Variants in GRID2 observed in about 807,000 individuals in gnomAD.
GRID2 encodes the protein glutamate receptor ionotropic, delta-2.
In GRID2, 33 loss-of-function variants were observed where a neutral mutation model predicts 114.8. The ratio of observed to expected loss-of-function variants is 0.29; its 90% CI spans 0.22 to 0.38. The LOEUF is 0.38. Among genes scored for constraint, GRID2 ranks in the 10% least tolerant of loss-of-function variants. The pLI is 1.00. For missense variants in GRID2, 1,184 were observed against 1,257.7 expected (o/e 0.94, Z 0.89); for synonymous variants, 505 against 449.9 (o/e 1.12, Z -1.55).
intron 2 of GRID2, among the ~76,000 whole-genome samples, chr4:92,881,674 G>C (rs1267615541): frequency 2.0e-5 from 3 of 152,016 alleles, no homozygotes; most frequent in African/African-American, 7.2e-5. Flanking sequence ...AAAAACTTTT[G>C]TTATAGTTAT....
At chr4:93,543,042 G>A (rs951959265) in intron 13 of GRID2, among the ~76,000 whole-genome samples, 11 of 152,128 alleles carry the variant, frequency 7.2e-5, no homozygotes, top group African/African-American at 2.4e-5. Flanking sequence ...GCCAAAATGC[G>A]AGTGGTCTCC....
In GRID2 at chr4:92,818,024, G is replaced by C. The variant is rs113641987; in HGVS notation, c.244+227738G>C. 6.7e-3 allele frequency among the ~76,000 whole-genome samples: 1,013 copies of C among 152,168 alleles called. 17 individuals are homozygous for C. The highest frequency in any genetic ancestry group is 0.023 in the African/African-American group (949 of 41,526). ...CAAAACTGACCTCAATCATATTCAT[G>C]TGTGTGAAACCTTTTGTGACACATC... is the stretch of plus-strand genomic sequence containing the variant. On this transcript the variant is annotated intron_variant, in intron 2 of 15. Transcript: ENST00000282020.
rs1378165205 is a variant in GRID2 at position 93,110,813 on chromosome 4, A to T, written c.595A>T (p.Lys199Ter). 1 of 1,612,152 alleles carries T rather than the reference A, an allele frequency of 6.2e-7. No homozygotes were observed. The highest frequency in any genetic ancestry group is 8.5e-7 in the Non-Finnish European group (1 of 1,178,216). The change falls in exon 4 of 16, where the codon AAG becomes TAG. Residue 199 changes from lysine (K) to a stop codon, truncating the protein, a stop_gained. Transcript: ENST00000282020. LOFTEE classifies it high-confidence loss of function. ...SQQGMDVALQ[K>*]VENNINKMIT... The stretch of plus-strand genomic sequence containing the variant: ...GCAGGGAATGGATGTTGCACTTCAG[A>T]AGGTAGAAAACAACATCAATAAAAT...
chr4:93,212,459 G>T (rs1246262971), intron 5 of GRID2, among the ~76,000 whole-genome samples: 1 of 152,124 alleles, frequency 6.6e-6, no homozygotes, highest in Non-Finnish European at 1.5e-5. Context: ...CCCGCAATCA[G>T]TGGATCCAGC....
intron 1 of GRID2, among the ~76,000 whole-genome samples, chr4:92,520,775 G>A (rs371568173): frequency 8.6e-5 from 13 of 152,038 alleles, no homozygotes; most frequent in African/African-American, 3.1e-4. Flanking sequence ...TGGCCAGGTG[G>A]CAGTCTTAAC....
At chr4:92,682,753 A>G (rs1248682233) in intron 2 of GRID2, among the ~76,000 whole-genome samples, 2 of 151,778 alleles carry the variant, frequency 1.3e-5, no homozygotes, top group African/African-American at 2.4e-5. Flanking sequence ...ATAATAGCCG[A>G]TATGTTGCAT....
At chr4:93,093,826 A>G (rs11940919) in intron 3 of GRID2, among the ~76,000 whole-genome samples, 68,631 of 151,198 alleles carry the variant, frequency 0.45, 15,993 homozygotes, top group Admixed American at 0.6. Context: ...TAAGGCAGCT[A>G]ATGCCAGGGA....
intron 8 of GRID2, among the ~76,000 whole-genome samples, chr4:93,340,508 G>A (rs1388297490): frequency 6.6e-6 from 1 of 152,022 alleles, no homozygotes; most frequent in African/African-American, 2.4e-5. Flanking sequence ...TAGAAGGGGA[G>A]GAGTTTTTTT....
chr4:92,935,331 T>C (rs1750580333), intron 2 of GRID2, among the ~76,000 whole-genome samples: 1 of 146,908 alleles, frequency 6.8e-6, no homozygotes. Context: ...AAAACCACAA[T>C]GAGATACCAT....
chr4:93,036,332 T>C (rs920851007), intron 2 of GRID2, among the ~76,000 whole-genome samples: 1 of 152,140 alleles, frequency 6.6e-6, no homozygotes, highest in Admixed American at 6.6e-5. Context: ...TTACATATGA[T>C]GCCATATAAT....
chr4:92,383,470 C>T (rs76902455), intron 1 of GRID2, among the ~76,000 whole-genome samples: 5 of 152,088 alleles, frequency 3.3e-5, no homozygotes, highest in South Asian at 4.1e-4. Flanking sequence ...TTACTCCTAA[C>T]GTAAGAAACA....
intron 8 of GRID2, among the ~76,000 whole-genome samples, chr4:93,361,467 G>GATGATTATT (rs1553916783): frequency 2.0e-5 from 3 of 147,628 alleles, no homozygotes; most frequent in Admixed American, 6.8e-5. Context: ...ATGTTACTGT[G>GATGATTATT]ATTATTATTA....
intron 8 of GRID2, among the ~76,000 whole-genome samples, chr4:93,286,731 A>G (rs1202320963): frequency 7.1e-6 from 1 of 141,728 alleles, no homozygotes; most frequent in African/African-American, 3.1e-5. Context: ...ATGTTCCCAC[A>G]TTAGTTGTGG....
intron 2 of GRID2, among the ~76,000 whole-genome samples, chr4:92,721,058 AGGACAAAT>A (rs2149317471): frequency 6.6e-6 from 1 of 152,270 alleles, no homozygotes; most frequent in South Asian, 2.1e-4. Context: ...CAGTGACAAA[AGGACAAAT>A]ATTGTATGAT....
At chr4:92,714,888 G>A (rs1560548891) in intron 2 of GRID2, among the ~76,000 whole-genome samples, 1 of 152,140 alleles carries the variant, frequency 6.6e-6, no homozygotes, top group African/African-American at 2.4e-5. Flanking sequence ...CTGCTGCAAA[G>A]GTCTCTGACA....
intron 14 of GRID2, among the ~76,000 whole-genome samples, chr4:93,730,932 T>C (rs748383324): frequency 6.6e-6 from 1 of 152,194 alleles, no homozygotes; most frequent in Non-Finnish European, 1.5e-5. Flanking sequence ...TGCAACTCCC[T>C]TTAGAAACTG....
intron 3 of GRID2, among the ~76,000 whole-genome samples, chr4:93,097,351 G>GA (rs1006250097): frequency 3.7e-4 from 53 of 144,648 alleles, no homozygotes; most frequent in South Asian, 3.1e-3. Context: ...AAGGAAAAAG[G>GA]AAAAAAAAAC....
chr4:93,077,153 G>T (rs1729406630), intron 2 of GRID2, among the ~76,000 whole-genome samples: 1 of 152,082 alleles, frequency 6.6e-6, no homozygotes, highest in African/African-American at 2.4e-5. Flanking sequence ...TAAAGAACTG[G>T]CAGTAGATAT....
chr4:93,378,132 T>G (rs1334680644), intron 8 of GRID2, among the ~76,000 whole-genome samples: 2 of 152,156 alleles, frequency 1.3e-5, no homozygotes, highest in African/African-American at 2.4e-5. Context: ...TCAAAAAATT[T>G]ATACCTTCAA....
Sources: gnomAD v4.1 joint callset for allele counts (sites outside exome capture counted in the v4.1 genomes callset) on GRCh38, gnomAD v4.1.1 for gene constraint, MANE v1.5 for transcripts, NCBI Gene and HGNC (gene_info 2026-07-23, HGNC 2026-07-21) for gene names.